The following ILKAP variants were observed in gnomAD, a reference collection of about 807,000 sequenced individuals.
ILKAP encodes ILK associated serine/threonine phosphatase.
A neutral mutation model predicts 49.1 loss-of-function variants in ILKAP; 11 were observed. That is an observed-to-expected ratio of 0.22 (90% CI 0.14 to 0.37). The LOEUF (loss-of-function observed/expected upper bound fraction) is 0.37. Among genes scored for constraint, ILKAP ranks in the 10% least tolerant of loss-of-function variants. ILKAP has a pLI of 1.00. For synonymous variants in ILKAP, 186 were observed against 192.8 expected (o/e 0.96, Z 0.29); for missense variants, 363 against 510.8 (o/e 0.71, Z 2.79).
At chr2:238,170,787 G>A (rs1693180693) in intron 11 of ILKAP, 111 bp from the exon 12 acceptor site, 1 of 1,547,032 alleles carries the variant, frequency 6.5e-7, no homozygotes, top group Non-Finnish European at 8.9e-7. Flanking sequence ...AGGGCTGGCA[G>A]GACAAACTGA....
intron 9 of ILKAP, among the ~76,000 whole-genome samples, chr2:238,175,543 T>C (rs928248446): frequency 5.9e-5 from 9 of 152,156 alleles, no homozygotes; most frequent in South Asian, 2.1e-4. Context: ...CTACACTCAA[T>C]GCGATGTCCT....
intron 1 of ILKAP, 28 bp downstream of exon 1, chr2:238,203,471 T>C: frequency 8.1e-7 from 1 of 1,227,302 alleles, no homozygotes; most frequent in Non-Finnish European, 1.0e-6. Context: ...CTCCCTTCCC[T>C]GGCCGGCCCG....
rs187597483 is a variant in ILKAP, at chr2:238,196,420, T to C, written c.56-1550A>G. On this transcript the variant is annotated intron_variant, in intron 1 of 11. Transcript: ENST00000254654. ...TTTTGTATTTTTAGTAGAGACGGGG[T>C]TTCACCATGTTGGCCAGGTTGGTCT... 2.0e-5 allele frequency among the ~76,000 whole-genome samples: 3 copies of C among 152,142 alleles called. No homozygotes were observed. The East Asian group carries it at 5.8e-4, about 29-fold the overall frequency.
rs750686737 is a variant in ILKAP, at chr2:238,189,981, AAAGT to A, written c.179-13_179-10del. On this transcript the variant is annotated splice_polypyrimidine_tract_variant and intron_variant, in intron 3 of 11. Coordinates refer to ENST00000254654, the MANE Select transcript of ILKAP (RefSeq NM_030768.3). Reference sequence around the variant, plus strand: ...TGATGTGGCAAGAGAACCTGGAAATAAAGTAAAAGCCAGACAGAAACACAGCTGT... The same window carrying A: ...TGATGTGGCAAGAGAACCTGGAAATAAAAAGCCAGACAGAAACACAGCTGT... 7 of 1,613,548 alleles carry A rather than the reference AAAGT, an allele frequency of 4.3e-6. No individual in the cohort carries two copies. In the South Asian group the frequency reaches 6.6e-5, roughly 15 times the overall value.
At chr2:238,194,461 A>G in intron 2 of ILKAP, 130 bp from the exon 3 acceptor site, 1 of 731,516 alleles carries the variant, frequency 1.4e-6, no homozygotes, top group East Asian at 2.6e-5. Flanking sequence ...TCCAGTGGCA[A>G]CTCATACTGC....
At chr2:238,194,453 C>T in intron 2 of ILKAP, 122 bp from the exon 3 acceptor site, 4 of 791,556 alleles carry the variant, frequency 5.1e-6, no homozygotes, top group Non-Finnish European at 8.6e-6. Flanking sequence ...TGCGTCAATC[C>T]AGTGGCAACT....
chr2:238,197,894 T>C (rs1216245124), intron 1 of ILKAP, among the ~76,000 whole-genome samples: 1 of 152,180 alleles, frequency 6.6e-6, no homozygotes, highest in Non-Finnish European at 1.5e-5. Context: ...GGTACTATTA[T>C]TATTTACCGA....
intron 9 of ILKAP, among the ~76,000 whole-genome samples, chr2:238,179,608 C>G (rs1693603943): frequency 6.6e-6 from 1 of 152,094 alleles, no homozygotes; most frequent in Admixed American, 6.5e-5. Flanking sequence ...TGACGCAAGG[C>G]AACAGGAGCA....
intron 7 of ILKAP, 120 bp from the exon 8 acceptor site, chr2:238,183,860 CT>C (rs1445323965): frequency 3.0e-6 from 3 of 989,390 alleles, no homozygotes; most frequent in Non-Finnish European, 3.1e-6. Flanking sequence ...TTGATACTTG[CT>C]TTTTTTCTGT....
chr2:238,175,008 G>A (rs1422602492), intron 9 of ILKAP, among the ~76,000 whole-genome samples: 1 of 152,214 alleles, frequency 6.6e-6, no homozygotes, highest in Non-Finnish European at 1.5e-5. Context: ...AGAAGACCAA[G>A]TAGCTACCAG....
At chr2:238,170,828 A>C (rs1305530860) in intron 11 of ILKAP, 115 bp downstream of exon 11, 1 of 1,450,746 alleles carries the variant, frequency 6.9e-7, no homozygotes, top group East Asian at 2.3e-5. Flanking sequence ...GTTCACACTG[A>C]AAAAGGGCAC....
chr2:238,185,381 T>C, intron 5 of ILKAP, 94 bp from the exon 6 acceptor site: 1 of 785,190 alleles, frequency 1.3e-6, no homozygotes, highest in Non-Finnish European at 2.2e-6. Flanking sequence ...GAGTGAACAT[T>C]AATAAGTCAG....
intron 1 of ILKAP, among the ~76,000 whole-genome samples, chr2:238,198,400 A>G (rs1195801311): frequency 2.0e-5 from 3 of 150,954 alleles, no homozygotes; most frequent in Non-Finnish European, 4.4e-5. Context: ...CACCATGCCC[A>G]GCTAATTTTT....
chr2:238,188,350 T>A, intron 4 of ILKAP, 93 bp from the exon 5 acceptor site: 5 of 1,451,228 alleles, frequency 3.4e-6, no homozygotes, highest in Non-Finnish European at 4.6e-6. Context: ...ACTATGACTG[T>A]CTGACTCAGC....
chr2:238,203,614 G>C lies in ILKAP; in HGVS notation c.-61C>G, dbSNP rs1340307926. The C allele has an allele frequency of 4.9e-6, 5 of 1,030,856 alleles. No individual in the cohort carries two copies. The highest frequency in any genetic ancestry group is 6.0e-6 in the Non-Finnish European group (5 of 831,918). 63.9% of individuals were successfully genotyped at this position (1,030,856 alleles called of 1,614,324 possible). On this transcript the variant is annotated 5_prime_UTR_variant, in exon 1 of 12. Transcript: ENST00000254654. ...CACTCAGCCCGCGAGCAGCGGCCGG[G>C]CTCCACACCCCGGGCGGGCGGCAGC...
intron 3 of ILKAP, among the ~76,000 whole-genome samples, chr2:238,191,601 C>A (rs1378437774): frequency 4.6e-5 from 7 of 152,198 alleles, no homozygotes; most frequent in Admixed American, 6.5e-5. Context: ...GTGAAACTTT[C>A]TTCCTTTAAA....
Position 238,203,517 on chromosome 2 carries a change from A to T in ILKAP, c.37T>A (p.Ser13Thr). 1 of 1,249,134 alleles carries T rather than the reference A, an allele frequency of 8.0e-7. No individual in the cohort carries two copies. The allele number at this position is 1,249,134 out of a possible 1,614,324, so 77.4% of individuals were successfully genotyped here. A position where few individuals can be genotyped will look rare whatever the true frequency, so the allele number is the denominator to read the frequency against. The change falls in exon 1 of 12, where the codon TCG becomes ACG. Residue 13 changes from serine (S) to threonine (T), a missense_variant. By Grantham distance (58) the Ser-to-Thr change is moderately conservative (BLOSUM62 1). This residue lies in a region of ILKAP where 114 missense variants were observed against 116.0 expected (regional missense o/e 0.98). Transcript: ENST00000254654. ...LFGDLPEPERSPRPAAGKEAQ... is the reference protein window; with the variant it reads ...LFGDLPEPERTPRPAAGKEAQ... ...CGCTTACCGGCAGCCGGGCGCGGCG[A>T]GCGCTCGGGCTCCGGCAGGTCCCCG...
chr2:238,201,953 G>T (rs979687579), intron 1 of ILKAP, among the ~76,000 whole-genome samples: 1 of 152,170 alleles, frequency 6.6e-6, no homozygotes, highest in South Asian at 2.1e-4. Flanking sequence ...GGCAGGGCAC[G>T]GTGGCTCACA....
chr2:238,197,667 A>G (rs910506704), intron 1 of ILKAP, among the ~76,000 whole-genome samples: 1 of 152,150 alleles, frequency 6.6e-6, no homozygotes, highest in African/African-American at 2.4e-5. Context: ...ATTCAGTCAG[A>G]TGGTGCCCCA....
Sources: allele counts gnomAD v4.1 joint callset (sites outside exome capture counted in the v4.1 genomes callset), GRCh38; gene constraint gnomAD v4.1.1; regional missense constraint gnomAD v4.1.1; transcripts MANE v1.5; gene names NCBI Gene and HGNC (gene_info 2026-07-23, HGNC 2026-07-21).